The following NCAPD3 variants were observed in gnomAD, a reference collection of about 807,000 sequenced individuals.
NCAPD3 encodes non-SMC condensin II complex subunit D3, also known as condensin-2 complex subunit D3.
A neutral mutation model predicts 182.9 loss-of-function variants in NCAPD3; 105 were observed. That is an observed-to-expected ratio of 0.57 (90% confidence interval 0.49 to 0.68). The LOEUF (loss-of-function observed/expected upper bound fraction) is 0.68, where lower values mean the gene tolerates loss of function less well. NCAPD3 is among the 30% of genes least tolerant of loss of function. The pLI is 0.00. For synonymous variants in NCAPD3, 815 were observed against 679.9 expected, an observed-to-expected ratio of 1.20 and a Z score of -3.09; for missense variants, 1,944 against 1,837.0, an observed-to-expected ratio of 1.06 and a Z score of -1.07.
intron 27 of NCAPD3, among the ~76,000 whole-genome samples, chr11:134,167,663 C>T (rs1943886962): frequency 7.5e-6 from 1 of 133,560 alleles, no homozygotes; most frequent in Admixed American, 7.7e-5. Context: ...GAGCAGCACA[C>T]TCACTTGTGA....
intron 27 of NCAPD3, among the ~76,000 whole-genome samples, chr11:134,164,133 C>T (rs973247991): frequency 1.3e-5 from 2 of 152,100 alleles, no homozygotes; most frequent in African/African-American, 4.8e-5. Flanking sequence ...CATTGGCAAT[C>T]CAGGCTAGGA....
chr11:134,152,148 TC>T lies in NCAPD3; in HGVS notation c.*795del, dbSNP rs1943258743. On this transcript the variant is annotated 3_prime_UTR_variant, in exon 35 of 35. Coordinates refer to ENST00000534548, the MANE Select transcript of NCAPD3 (RefSeq NM_015261.3). ...TGCTAACAGAAGAGACTCAAGCTGT[TC>T]CCCCATCATGGGAGCAGCCCTTAAC... The T allele has an allele frequency of 1.3e-5, 2 of 152,214 alleles. No homozygotes were observed. Among genetic ancestry groups the T allele is most frequent in the Admixed American group, 1.3e-4 (2 of 15,280 alleles). 9.4% of individuals were successfully genotyped at this position (152,214 alleles called of 1,614,324 possible).
intron 3 of NCAPD3, 32 bp downstream of exon 3, chr11:134,216,901 CAGA>C (rs1938047256): frequency 6.5e-7 from 1 of 1,542,388 alleles, no homozygotes; most frequent in Non-Finnish European, 8.7e-7. Flanking sequence ...AAAAAAATGA[CAGA>C]AGATTTATCC....
intron 27 of NCAPD3, among the ~76,000 whole-genome samples, chr11:134,165,955 C>T (rs1415482725): frequency 1.0e-5 from 1 of 97,690 alleles, no homozygotes; most frequent in Admixed American, 1.3e-4. Flanking sequence ...GTGAGATGAG[C>T]TTGGGGGAGG....
chr11:134,203,594 G>T, intron 11 of NCAPD3, 60 bp downstream of exon 11: 1 of 1,573,888 alleles, frequency 6.4e-7, no homozygotes, highest in Non-Finnish European at 8.6e-7. Flanking sequence ...CGATTCCCTT[G>T]CAGTCTATTT....
In NCAPD3 at chr11:134,152,239, G is replaced by A. The variant is rs1243636649; in HGVS notation, c.*705C>T. On this transcript the variant is annotated 3_prime_UTR_variant, in exon 35 of 35. Coordinates refer to ENST00000534548, the MANE Select transcript of NCAPD3 (RefSeq NM_015261.3). ...CTGCAAAGCCATTTTTTCCCAAGAA[G>A]GGATGCTGTTCATGTCTGTTAGGGA... Among the ~76,000 whole-genome samples, 1 of 152,242 alleles carries A rather than the reference G, an allele frequency of 6.6e-6. No homozygotes were observed. Among genetic ancestry groups the A allele is most frequent in the Non-Finnish European group, 1.5e-5 (1 of 68,036 alleles).
chr11:134,152,429 T>C lies in NCAPD3; in HGVS notation c.*515A>G, dbSNP rs917555616. On this transcript the variant is annotated 3_prime_UTR_variant, in exon 35 of 35. Coordinates refer to ENST00000534548, the MANE Select transcript of NCAPD3 (RefSeq NM_015261.3). Reference sequence around the variant, plus strand: ...CTGTTCTAAAAACAGAAAAATCCTATTGACTACTGGAAGGCTGTATTTATG... The same window carrying C: ...CTGTTCTAAAAACAGAAAAATCCTACTGACTACTGGAAGGCTGTATTTATG... 6.6e-6 allele frequency: 1 copy of C among 152,302 alleles called. No homozygotes were observed. The highest frequency in any genetic ancestry group is 2.4e-5 in the African/African-American group (1 of 41,468). The allele number at this position is 152,302 out of a possible 1,614,324, so 9.4% of individuals were successfully genotyped here. A position where few individuals can be genotyped will look rare whatever the true frequency, so the allele number is the denominator to read the frequency against.
intron 13 of NCAPD3, among the ~76,000 whole-genome samples, chr11:134,199,159 G>A (rs537693177): frequency 1.9e-4 from 29 of 152,134 alleles, no homozygotes; most frequent in Non-Finnish European, 2.9e-4. Flanking sequence ...CAAAGGGACA[G>A]GAGGAGAACT....
intron 1 of NCAPD3, chr11:134,223,303 G>A: frequency 1.6e-6 from 1 of 644,140 alleles, no homozygotes; most frequent in Middle Eastern, 3.3e-4. Flanking sequence ...ATCAGGAATG[G>A]AGCGGGGCTG....
At chr11:134,186,002 G>A (rs546334215) in intron 16 of NCAPD3, 4 of 151,472 alleles carry the variant, frequency 2.6e-5, no homozygotes, top group East Asian at 3.9e-4. Flanking sequence ...CCACCTCCCG[G>A]GTTCACACCA....
At chr11:134,168,894 C>T (rs1285231534) in intron 25 of NCAPD3, 23 bp downstream of exon 25, 2 of 1,605,492 alleles carry the variant, frequency 1.2e-6, no homozygotes, top group South Asian at 2.2e-5. Context: ...TACAAGGAGA[C>T]CAGACTTAGC....
upstream of NCAPD3, chr11:134,225,181 A>G (rs1938422927): frequency 6.2e-7 from 1 of 1,614,090 alleles, no homozygotes; most frequent in Non-Finnish European, 8.5e-7. Context: ...AACGATGCAG[A>G]GAGTAGGAAG....
Position 134,161,783 on chromosome 11 carries a change from T to A in NCAPD3, c.3682A>T (p.Arg1228Trp). The change falls in exon 28 of 35, where the codon AGG becomes TGG. Residue 1228 changes from arginine to tryptophan, a missense_variant and splice_region_variant. Physicochemically the swap from Arg to Trp is moderately radical, Grantham distance 101. Coordinates refer to ENST00000534548, the MANE Select transcript of NCAPD3 (RefSeq NM_015261.3). ...PALRELMHYL[R>W]EVMQDYRDEL... is the part of the protein sequence containing the mutation. ...AAAAGCACAGGCTCCACCCTTACCCTGAGATAGTGCATGAGTTCCCGCAAA... is the reference window on the plus strand; with the variant it reads ...AAAAGCACAGGCTCCACCCTTACCCAGAGATAGTGCATGAGTTCCCGCAAA... The A allele has an allele frequency of 6.5e-7, 1 of 1,540,692 alleles. No individual in the cohort carries two copies. Among genetic ancestry groups the A allele is most frequent in the Non-Finnish European group, 9.0e-7 (1 of 1,117,296 alleles).
At position 134,192,807 on chromosome 11, in the gene NCAPD3, G is replaced by A. The variant is rs780338412; in HGVS notation, c.1927C>T (p.Leu643=). ...ATGTTCTGCAGCAGCAGCTGGTCCA[G>A]GAACTCCAGGGCCTTCTCCTGCACA... ...STVQEKALEF[L]DQLLLQNIRH... The change falls in exon 16 of 35, where the codon CTG becomes TTG. Residue 643 remains leucine, a synonymous_variant. Coordinates refer to ENST00000534548, the MANE Select transcript of NCAPD3 (RefSeq NM_015261.3). 6.2e-7 allele frequency: 1 copy of A among 1,614,170 alleles called. No individual in the cohort carries two copies. Among genetic ancestry groups the A allele is most frequent in the South Asian group, 1.1e-5 (1 of 91,070 alleles).
intron 1 of NCAPD3, among the ~76,000 whole-genome samples, chr11:134,221,353 T>C (rs1938219630): frequency 7.0e-6 from 1 of 143,206 alleles, no homozygotes; most frequent in South Asian, 2.1e-4. Flanking sequence ...CTTCCCATTC[T>C]TTTCTTTTTC....
Position 134,150,712 on chromosome 11 carries a change from C to T in NCAPD3, c.*2232G>A, listed in dbSNP as rs575474250. The stretch of plus-strand genomic sequence containing the variant: ...GCCAAAGGCAATTGCGAAATCAAGT[C>T]TGTCAAGTACAATAACATTTTTAAA... On this transcript the variant is annotated 3_prime_UTR_variant, in exon 35 of 35. Transcript: ENST00000534548. 10 of 152,104 alleles carry T rather than the reference C, an allele frequency of 6.6e-5. No homozygotes were observed. In the East Asian group the frequency reaches 1.9e-3, roughly 29 times the overall value. The allele number at this position is 152,104 out of a possible 1,614,324, so 9.4% of individuals were successfully genotyped here. A position where few individuals can be genotyped will look rare whatever the true frequency, so the allele number is the denominator to read the frequency against.
At chr11:134,167,460 G>A (rs1365295689) in intron 27 of NCAPD3, among the ~76,000 whole-genome samples, 5 of 114,796 alleles carry the variant, frequency 4.4e-5, no homozygotes, top group Non-Finnish European at 3.6e-5. Flanking sequence ...CTTAGGGGAG[G>A]CGCACACTCA....
chr11:134,184,961 G>A lies in NCAPD3; in HGVS notation c.2277C>T (p.Leu759=), dbSNP rs893622127. The stretch of plus-strand genomic sequence containing the variant: ...GCTTTGCAATATGCCCAATCACACA[G>A]AGAATATGTCCTAAGGTGTTTGAAT... ...NPNSNTLGHI[L]CVIGHIAKHL... is the part of the protein sequence containing the mutation. Residue 759 remains leucine, a synonymous_variant, in exon 18 of 35, where the codon CTC becomes CTT. Transcript: ENST00000534548. 1.2e-6 allele frequency: 2 copies of A among 1,613,910 alleles called. No individual in the cohort carries two copies. The highest frequency in any genetic ancestry group is 8.5e-7 in the Non-Finnish European group (1 of 1,179,842).
At chr11:134,153,258 C>T (rs2120463592) in intron 33 of NCAPD3, 31 bp downstream of exon 33, 1 of 1,613,920 alleles carries the variant, frequency 6.2e-7, no homozygotes, top group East Asian at 2.2e-5. Flanking sequence ...GGCAGTGCAT[C>T]TATCAGCCCA....
Sources: allele counts gnomAD v4.1 joint callset (sites outside exome capture counted in the v4.1 genomes callset), GRCh38; gene constraint gnomAD v4.1.1; transcripts MANE v1.5; gene names NCBI Gene and HGNC (gene_info 2026-07-23, HGNC 2026-07-21).